ARL5C: variants seen among roughly 807,000 people sequenced by gnomAD.
The protein encoded by ARL5C is putative ADP-ribosylation factor-like protein 5C.
A neutral mutation model predicts 20.8 loss-of-function variants in ARL5C; 21 were observed. That is an observed-to-expected ratio of 1.01 (90% confidence interval 0.72 to 1.46). The LOEUF is 1.46. Among genes scored for constraint, ARL5C ranks in the 40% most tolerant of loss-of-function variants. The probability of loss-of-function intolerance (pLI) is 0.00; values close to 1 mark genes in which losing one functional copy is unlikely to be tolerated. For missense variants in ARL5C, 199 were observed against 225.1 expected (o/e 0.88, Z 0.74); for synonymous variants, 71 against 81.6 (o/e 0.87, Z 0.70).
At chr17:39,165,264 A>G in intron 1 of ARL5C, 125 bp from the exon 2 acceptor site, 1 of 934,156 alleles carries the variant, frequency 1.1e-6, no homozygotes, top group Non-Finnish European at 1.6e-6. Flanking sequence ...TGCCCACCGT[A>G]CCGCGTCTGC....
Position 39,160,629 on chromosome 17 carries a change from C to T in ARL5C, c.453G>A (p.Ser151=), listed in dbSNP as rs761754935. Residue 151 remains serine (S), a synonymous_variant, in exon 5 of 6, where the codon TCG becomes TCA. Coordinates refer to ENST00000269586, the MANE Select transcript of ARL5C (RefSeq NM_001143968.1). ...GGGCACAGCAGCCTTGTATATGCCA[C>T]GAGTGGTCTTTGATGGTGCTGAGAG... The part of the protein sequence containing the change: ...FLTLSTIKDH[S]WHIQGCCALT... 1.9e-5 allele frequency: 30 copies of T among 1,551,782 alleles called. No homozygotes were observed. The highest frequency in any genetic ancestry group is 1.7e-4 in the Middle Eastern group (1 of 6,014).
At position 39,160,625 on chromosome 17, in the gene ARL5C, G is replaced by A. The variant is rs1366680173; in HGVS notation, c.457C>T (p.His153Tyr). Residue 153 changes from histidine to tyrosine, a missense_variant, in exon 5 of 6, where the codon CAT becomes TAT. Physicochemically the swap from His to Tyr is moderately conservative, Grantham distance 83. Transcript: ENST00000269586. ...GTGAGGGCACAGCAGCCTTGTATAT[G>A]CCACGAGTGGTCTTTGATGGTGCTG... ...TLSTIKDHSW[H>Y]IQGCCALTRE... The A allele has an allele frequency of 2.6e-6, 4 of 1,551,784 alleles. No individual in the cohort carries two copies. The highest frequency in any genetic ancestry group is 3.5e-6 in the Non-Finnish European group (4 of 1,147,006).
At chr17:39,165,612 C>T in intron 1 of ARL5C, 103 bp downstream of exon 1, 5 of 1,452,394 alleles carry the variant, frequency 3.4e-6, no homozygotes, top group Non-Finnish European at 4.7e-6. Flanking sequence ...CATATACGAC[C>T]CTCGGAGCCC....
intron 1 of ARL5C, 22 bp from the exon 2 acceptor site, chr17:39,165,161 C>A: frequency 3.2e-6 from 5 of 1,551,350 alleles, no homozygotes; most frequent in Non-Finnish European, 4.4e-6. Flanking sequence ...GGAGGAAGGG[C>A]AGCGTCAGGG....
At chr17:39,160,886 C>G (rs1297308195) in intron 4 of ARL5C, 144 bp from the exon 5 acceptor site, 2 of 932,340 alleles carry the variant, frequency 2.1e-6, no homozygotes, top group East Asian at 2.7e-5. Context: ...GGGGGCCCTG[C>G]CACAATGGTA....
intron 5 of ARL5C, chr17:39,160,338 A>AAG (rs57971716): frequency 7.7e-4 from 301 of 392,622 alleles, no homozygotes; most frequent in African/African-American, 6.1e-3. Context: ...AAAAAAAAAA[A>AAG]AGAGAGAGAG....
Position 39,166,084 on chromosome 17 carries a change from C to A in ARL5C, c.-324G>T. 1 of 393,364 alleles carries A rather than the reference C, an allele frequency of 2.5e-6. No homozygotes were observed. The allele number at this position is 393,364 out of a possible 1,614,324, so 24.4% of individuals were successfully genotyped here. A position where few individuals can be genotyped will look rare whatever the true frequency, so the allele number is the denominator to read the frequency against. ...GGTGGACTGCTCCACTACCGCAAAT[C>A]AGGGGAGACTCAGCACTGCGCGCGG... On this transcript the variant is annotated 5_prime_UTR_variant, in exon 1 of 6. Transcript: ENST00000269586.
chr17:39,163,039 C>G (rs1307841838), intron 2 of ARL5C, among the ~76,000 whole-genome samples, 181 bp from the exon 3 acceptor site: 1 of 152,216 alleles, frequency 6.6e-6, no homozygotes, highest in Non-Finnish European at 1.5e-5. Flanking sequence ...AGGAGTGAGA[C>G]TAAGCCCTGC....
At chr17:39,162,573 T>C (rs1290684256) in intron 3 of ARL5C, 138 bp downstream of exon 3, 1 of 1,126,728 alleles carries the variant, frequency 8.9e-7, no homozygotes, top group East Asian at 2.8e-5. Flanking sequence ...AGTGCTGGGA[T>C]TACAGGTGTG....
chr17:39,165,725 G>T lies in ARL5C; in HGVS notation c.36C>A (p.Phe12Leu). The change falls in exon 1 of 6, where the codon TTC (phenylalanine) becomes TTA (leucine). Residue 12 changes from phenylalanine to leucine, a missense_variant. By Grantham distance (22) the Phe-to-Leu change is conservative. Coordinates refer to ENST00000269586, the MANE Select transcript of ARL5C (RefSeq NM_001143968.1). ...GQLIAKLMSI[F>L]GNQEHTVIIV... ...CTGTGCGCCCCTTACCCTGGTTCCC[G>T]AAGATGCTCATTAACTTGGCGATCA... The T allele has an allele frequency of 6.4e-7, 1 of 1,551,846 alleles. No individual in the cohort carries two copies. Among genetic ancestry groups the T allele is most frequent in the Non-Finnish European group, 8.7e-7 (1 of 1,146,996 alleles).
chr17:39,156,879 C>A, downstream of ARL5C: 3 of 1,551,798 alleles, frequency 1.9e-6, no homozygotes, highest in Non-Finnish European at 2.6e-6. Flanking sequence ...TTCTGGTTGA[C>A]CTCAGACTGG....
intron 4 of ARL5C, 125 bp from the exon 5 acceptor site, chr17:39,160,867 G>C: frequency 8.8e-7 from 1 of 1,139,210 alleles, no homozygotes; most frequent in Non-Finnish European, 1.2e-6. Flanking sequence ...GCCTGGATGG[G>C]GCAGAGATGG....
rs2045441092 is a variant in ARL5C, at chr17:39,162,758, G to A, written c.208C>T (p.Pro70Ser). 2 of 1,551,664 alleles carry A rather than the reference G, an allele frequency of 1.3e-6. No homozygotes were observed. The highest frequency in any genetic ancestry group is 1.2e-5 in the South Asian group (1 of 84,052). The change falls in exon 3 of 6, where the codon CCT (proline) becomes TCT (serine). Residue 70 changes from proline (P) to serine (S), a missense_variant. Transcript: ENST00000269586. ...THFFMWDIVR[P>S]EALSFIWNTY... ...TTCCAGATAAAGCTCAGAGCCTCAG[G>A]TCTCACTATGTCCCACATGAAGAAG...
At chr17:39,157,466 A>G (rs896867994) in intron 5 of ARL5C, among the ~76,000 whole-genome samples, 1 of 152,196 alleles carries the variant, frequency 6.6e-6, no homozygotes, top group Non-Finnish European at 1.5e-5. Context: ...TTGGTCTGGC[A>G]CCGCACAGGG....
At chr17:39,159,032 T>TG (rs1414436966) in intron 5 of ARL5C, among the ~76,000 whole-genome samples, 5 of 123,142 alleles carry the variant, frequency 4.1e-5, no homozygotes, top group African/African-American at 1.5e-4. Flanking sequence ...GTTTTTTTTT[T>TG]TTTTTTTTTT....
Position 39,160,718 on chromosome 17 carries a change from T to G in ARL5C, c.364A>C (p.Ile122Leu). The G allele has an allele frequency of 3.9e-6, 6 of 1,551,734 alleles. No homozygotes were observed. Among genetic ancestry groups the G allele is most frequent in the Non-Finnish European group, 5.2e-6 (6 of 1,146,980 alleles). ...HEALQDASVL[I>L]FANKQDVKDS... The stretch of plus-strand genomic sequence containing the variant: ...TTCACGTCCTGCTTATTGGCAAATA[T>G]CAGGACTGAAGCATCCTGTAGAGCC... The change falls in exon 5 of 6, where the codon ATA (isoleucine) becomes CTA (leucine). Residue 122 changes from isoleucine (I) to leucine (L), a missense_variant. Physicochemically the swap from Ile to Leu is conservative, Grantham distance 5 (BLOSUM62 2). Coordinates refer to ENST00000269586, the MANE Select transcript of ARL5C (RefSeq NM_001143968.1).
intron 3 of ARL5C, among the ~76,000 whole-genome samples, chr17:39,161,575 G>T (rs374284453): frequency 1.3e-5 from 2 of 150,972 alleles, no homozygotes; most frequent in Admixed American, 6.6e-5. Context: ...GTGCAGTGGC[G>T]CAATCTTGGT....
intron 5 of ARL5C, among the ~76,000 whole-genome samples, chr17:39,159,019 C>CTTTTT (rs1395516312): frequency 4.7e-5 from 3 of 63,958 alleles, no homozygotes; most frequent in African/African-American, 1.1e-4. Context: ...TCATTTATCA[C>CTTTTT]TTGTTTTTTT....
rs1284379344 is a variant in ARL5C, at chr17:39,162,708, C to A, written c.255+3G>T. ...GACCCTTCAGCCCTGGTGCCCTCCT[C>A]ACCTCAGTGTTGGAGTAGTATGTGT... is the stretch of plus-strand genomic sequence containing the variant. On this transcript the variant is annotated splice_donor_region_variant and intron_variant, in intron 3 of 5. Transcript: ENST00000269586. 6.4e-7 allele frequency: 1 copy of A among 1,551,378 alleles called. No individual in the cohort carries two copies. Among genetic ancestry groups the A allele is most frequent in the South Asian group, 1.2e-5 (1 of 83,984 alleles).
Sources: gnomAD v4.1 joint callset for allele counts (sites outside exome capture counted in the v4.1 genomes callset) on GRCh38, gnomAD v4.1.1 for gene constraint, MANE v1.5 for transcripts, NCBI Gene and HGNC (gene_info 2026-07-23, HGNC 2026-07-21) for gene names.